NFAM1: variants seen among roughly 807,000 people sequenced by gnomAD.
NFAM1 encodes the protein NFAT activating protein with ITAM motif 1.
Under a neutral mutation model 29.0 loss-of-function variants are expected in NFAM1, and 17 were observed. The ratio of observed to expected loss-of-function variants is 0.59; its 90% CI spans 0.40 to 0.88. The LOEUF (loss-of-function observed/expected upper bound fraction) is 0.88, where lower values mean the gene tolerates loss of function less well. NFAM1 is among the 40% of genes least tolerant of loss of function. The pLI, the probability that NFAM1 is intolerant of heterozygous loss-of-function variation, is 0.00. For missense variants in NFAM1, 324 were observed against 344.6 expected (o/e 0.94, Z 0.47); for synonymous variants, 175 against 147.2 (o/e 1.19, Z -1.36).
chr22:42,415,172 C>T (rs567953221), intron 1 of NFAM1, among the ~76,000 whole-genome samples: 12 of 152,126 alleles, frequency 7.9e-5, no homozygotes, highest in Admixed American at 7.2e-4. Context: ...CTGGAGACGT[C>T]AGGCCAAAAA....
At chr22:42,390,438 C>CAGGAA (rs1929295427) in intron 4 of NFAM1, among the ~76,000 whole-genome samples, 1 of 151,934 alleles carries the variant, frequency 6.6e-6, no homozygotes, top group East Asian at 1.9e-4. Flanking sequence ...TGGGATGGGA[C>CAGGAA]AGGAAAGGGA....
chr22:42,435,860 A>C (rs1243116713), upstream of NFAM1, among the ~76,000 whole-genome samples: 2 of 124,552 alleles, frequency 1.6e-5, no homozygotes, highest in African/African-American at 3.2e-5. Context: ...AAAAGACTCC[A>C]CTAGGCTGGA....
At chr22:42,434,279 G>A (rs766332337), upstream of NFAM1, among the ~76,000 whole-genome samples, 2 of 152,172 alleles carry the variant, frequency 1.3e-5, no homozygotes, top group Non-Finnish European at 2.9e-5. Context: ...ATAAGGCAGG[G>A]AGAAGCCTTC....
rs71184892 is a variant in NFAM1 at position 42,423,112 on chromosome 22, C to CAAAAAA, written c.121+9119_121+9124dup. ...TAGGCGACAGAGCAAGACTCCATCT[C>CAAAAAA]AAAAAAAAAAAAAAAAGGAAATGAA... On this transcript the variant is annotated intron_variant, in intron 1 of 5. Coordinates refer to ENST00000329021, the MANE Select transcript of NFAM1 (RefSeq NM_145912.8). Among the ~76,000 whole-genome samples, 6 of 75,680 alleles carry CAAAAAA rather than the reference C, an allele frequency of 7.9e-5. 1 individual carries two copies. Among genetic ancestry groups the CAAAAAA allele is most frequent in the African/African-American group, 1.5e-4 (2 of 13,440 alleles). The allele number at this position is 75,680 out of a possible 152,430, so 49.6% of individuals were successfully genotyped here.
chr22:42,387,122 G>C (rs747348873), intron 4 of NFAM1, 44 bp from the exon 5 acceptor site: 4 of 1,184,632 alleles, frequency 3.4e-6, no homozygotes, highest in African/African-American at 1.6e-5. Flanking sequence ...GTGTGTAGAG[G>C]GGCAGTCCCT....
chr22:42,407,817 C>G (rs930582477), intron 3 of NFAM1, among the ~76,000 whole-genome samples: 11 of 152,050 alleles, frequency 7.2e-5, no homozygotes, highest in African/African-American at 2.4e-4. Context: ...ATATTGAACT[C>G]CTAAGCTCAG....
intron 1 of NFAM1, among the ~76,000 whole-genome samples, chr22:42,424,051 TC>T (rs1422575605): frequency 5.3e-5 from 8 of 152,064 alleles, no homozygotes; most frequent in African/African-American, 1.9e-4. Flanking sequence ...TCTGCCTGAC[TC>T]GGCCTCCCAA....
intron 1 of NFAM1, among the ~76,000 whole-genome samples, chr22:42,421,743 C>T (rs1381899124): frequency 6.6e-6 from 1 of 152,238 alleles, no homozygotes. Flanking sequence ...AAGGAAAACA[C>T]TTTGATTCCC....
At chr22:42,420,020 T>TTTTTTTTTTTTTTG (rs1930392184) in intron 1 of NFAM1, among the ~76,000 whole-genome samples, 1 of 118,036 alleles carries the variant, frequency 8.5e-6, no homozygotes, top group Admixed American at 9.1e-5. Flanking sequence ...TTTTTTTTTT[T>TTTTTTTTTTTTTTG]TTTTTTCTGA....
At chr22:42,435,786 G>C (rs1323245512), upstream of NFAM1, among the ~76,000 whole-genome samples, 2 of 148,658 alleles carry the variant, frequency 1.3e-5, no homozygotes, top group Middle Eastern at 7.2e-3. Flanking sequence ...CCCTACCCAC[G>C]ACCACCTCCA....
chr22:42,422,798 T>C (rs989674215), intron 1 of NFAM1, among the ~76,000 whole-genome samples: 1 of 151,714 alleles, frequency 6.6e-6, no homozygotes, highest in Non-Finnish European at 1.5e-5. Context: ...TTCTTGTCTC[T>C]GAATTGGAGT....
Position 42,384,919 on chromosome 22 carries a change from A to G in NFAM1, c.*242T>C. 1 of 611,128 alleles carries G rather than the reference A, an allele frequency of 1.6e-6. No homozygotes were observed. The highest frequency in any genetic ancestry group is 1.8e-5 in the South Asian group (1 of 54,364). The allele number at this position is 611,128 out of a possible 1,614,324, so 37.9% of individuals were successfully genotyped here. A position where few individuals can be genotyped will look rare whatever the true frequency, so the allele number is the denominator to read the frequency against. On this transcript the variant is annotated 3_prime_UTR_variant, in exon 6 of 6. Coordinates refer to ENST00000329021, the MANE Select transcript of NFAM1 (RefSeq NM_145912.8). ...GCTTTGCTGGTTGGGCCAAGGGAGG[A>G]AGGGCCTGCCTGGCAGAAGGAACAG...
chr22:42,420,585 G>C (rs1005836443), intron 1 of NFAM1, among the ~76,000 whole-genome samples: 3 of 152,058 alleles, frequency 2.0e-5, no homozygotes, highest in African/African-American at 7.2e-5. Flanking sequence ...GGCCAACACG[G>C]TGAAACACTG....
chr22:42,384,944 G>C lies in NFAM1; in HGVS notation c.*217C>G. The C allele has an allele frequency of 7.7e-6, 5 of 648,412 alleles. No individual in the cohort carries two copies. The highest frequency in any genetic ancestry group is 5.5e-6 in the Non-Finnish European group (2 of 362,240). The allele number at this position is 648,412 out of a possible 1,614,324, so 40.2% of individuals were successfully genotyped here. ...AAGGGCCTGCCTGGCAGAAGGAACA[G>C]CCTGGGCAAAGGCCCCAAGATGGGA... On this transcript the variant is annotated 3_prime_UTR_variant, in exon 6 of 6. Transcript: ENST00000329021.
In NFAM1 at chr22:42,409,518, G is replaced by T; in HGVS notation, c.481C>A (p.Pro161Thr). 6.4e-7 allele frequency: 1 copy of T among 1,559,824 alleles called. No homozygotes were observed. Among genetic ancestry groups the T allele is most frequent in the Non-Finnish European group, 8.7e-7 (1 of 1,151,432 alleles). The change falls in exon 3 of 6, where the codon CCA (proline) becomes ACA (threonine). Residue 161 changes from proline (P) to threonine (T), a missense_variant. Physicochemically the swap from Pro to Thr is conservative, Grantham distance 38. Transcript: ENST00000329021. This position sits in a 1 kb window ranked among gnomAD's most constrained non-coding sequence, Gnocchi z 4.9. ...AAGCCAAAGAGCAGGAGCTTCTGTGGACTCTGCGGGGGCTCTCGGTACCCT... is the reference window on the plus strand; with the variant it reads ...AAGCCAAAGAGCAGGAGCTTCTGTGTACTCTGCGGGGGCTCTCGGTACCCT... The part of the protein sequence containing the change: ...DAGYREPPQS[P>T]QKLLLFGFTG...
At chr22:42,425,583 C>T (rs942889229) in intron 1 of NFAM1, among the ~76,000 whole-genome samples, 2 of 152,274 alleles carry the variant, frequency 1.3e-5, no homozygotes, top group East Asian at 1.9e-4. Flanking sequence ...GCCTCCTGCC[C>T]GCCACAGGAT....
intron 3 of NFAM1, among the ~76,000 whole-genome samples, chr22:42,400,439 G>A (rs1316191755): frequency 1.3e-5 from 2 of 152,200 alleles, no homozygotes; most frequent in South Asian, 2.1e-4. Context: ...CCAACATAGT[G>A]AAACCCCATC....
At chr22:42,394,398 T>C (rs1284943673) in intron 4 of NFAM1, among the ~76,000 whole-genome samples, 1 of 152,064 alleles carries the variant, frequency 6.6e-6, no homozygotes, top group African/African-American at 2.4e-5. Context: ...TCTTGCTATG[T>C]TGCCAAGACT....
chr22:42,433,431 A>G (rs1288270673), upstream of NFAM1, among the ~76,000 whole-genome samples: 3 of 152,180 alleles, frequency 2.0e-5, no homozygotes, highest in Non-Finnish European at 4.4e-5. Flanking sequence ...GCAAAACAAC[A>G]TGCCTAGGAT....
Sources: allele counts gnomAD v4.1 joint callset (sites outside exome capture counted in the v4.1 genomes callset), GRCh38; gene constraint gnomAD v4.1.1; non-coding constraint Gnocchi (gnomAD v3.1); transcripts MANE v1.5; gene names NCBI Gene and HGNC (gene_info 2026-07-23, HGNC 2026-07-21).